Variants in ABHD2 observed in about 807,000 individuals in gnomAD.
ABHD2 encodes the protein monoacylglycerol lipase ABHD2.
In ABHD2, 20 loss-of-function variants were observed where a neutral mutation model predicts 48.1. That is an observed-to-expected ratio of 0.42 (90% CI 0.29 to 0.60). The LOEUF (loss-of-function observed/expected upper bound fraction) is 0.60. ABHD2 is among the 20% of genes least tolerant of loss of function. The pLI is 0.24. For missense variants in ABHD2, 405 were observed against 550.9 expected (o/e 0.74, Z 2.65); for synonymous variants, 209 against 214.2 (o/e 0.98, Z 0.21).
intron 6 of ABHD2, among the ~76,000 whole-genome samples, chr15:89,178,854 A>G (rs1866751): frequency 0.42 from 64,554 of 152,058 alleles, 14,493 homozygotes; most frequent in East Asian, 0.81. Context: ...TGGAGCTTAA[A>G]GAAAATGGGG....
Position 89,092,808 on chromosome 15 carries a change from C to A in ABHD2, c.-107+4245C>A, listed in dbSNP as rs192980617. On this transcript the variant is annotated intron_variant, in intron 1 of 10. Coordinates refer to ENST00000352732, the MANE Select transcript of ABHD2 (RefSeq NM_152924.5). This position sits in a 1 kb window ranked among gnomAD's most constrained non-coding sequence, Gnocchi z 4.4. ...CTTGGCAGTGTGAAAAGAGCTTCCA[C>A]GTCATTTTTTATGAAGGCCGTCTAT... Among the ~76,000 whole-genome samples the A allele has an allele frequency of 6.6e-6, 1 of 152,198 alleles. No homozygotes were observed. The highest frequency in any genetic ancestry group is 1.9e-4 in the East Asian group (1 of 5,202).
the ABHD2 span, among the ~76,000 whole-genome samples, chr15:89,043,515 G>T: frequency 6.9e-6 from 1 of 145,938 alleles, no homozygotes; most frequent in African/African-American, 2.6e-5. Flanking sequence ...AAAGAGGAAG[G>T]AGGAAGAGGA....
intron 5 of ABHD2, among the ~76,000 whole-genome samples, chr15:89,162,074 C>G (rs1244122571): frequency 2.0e-5 from 3 of 152,180 alleles, no homozygotes; most frequent in Non-Finnish European, 4.4e-5. Flanking sequence ...CCCTAACAAC[C>G]ACATTTTGGC....
In ABHD2 at chr15:89,163,438, A is replaced by C. The variant is rs543376960; in HGVS notation, c.538+7904A>C. Among the ~76,000 whole-genome samples the C allele has an allele frequency of 1.8e-4, 28 of 152,364 alleles. 1 individual carries two copies. The highest frequency in any genetic ancestry group is 6.5e-5 in the Admixed American group (1 of 15,304). ...CATTTATCTCACTCTAATGAGTGCC[A>C]GGCATGTGCTTTCACGTTACTTCAC... On this transcript the variant is annotated intron_variant, in intron 5 of 10. Transcript: ENST00000352732.
upstream of ABHD2, chr15:89,087,484 T>A (rs1901401023): frequency 6.6e-6 from 1 of 152,252 alleles, no homozygotes; most frequent in Admixed American, 6.5e-5. This position sits in a 1 kb window ranked among gnomAD's most constrained non-coding sequence, Gnocchi z 5.5. Flanking sequence ...TCATAGAATT[T>A]TAGAAATGGG....
rs571397309 is a variant in ABHD2 at position 89,162,503 on chromosome 15, A to G, written c.538+6969A>G. Among the ~76,000 whole-genome samples the G allele has an allele frequency of 5.2e-4, 78 of 151,242 alleles. 1 individual carries two copies. In the South Asian group the frequency reaches 0.014, roughly 27 times the overall value. On this transcript the variant is annotated intron_variant, in intron 5 of 10. Transcript: ENST00000352732. Reference sequence around the variant, plus strand: ...ACTGCAGTCCACCATCAGGCCCCCTATTCCCACCCTGAGTGTATGGAAATT... The same window carrying G: ...ACTGCAGTCCACCATCAGGCCCCCTGTTCCCACCCTGAGTGTATGGAAATT...
At chr15:89,152,342 G>C (rs946817979) in intron 4 of ABHD2, among the ~76,000 whole-genome samples, 4 of 152,144 alleles carry the variant, frequency 2.6e-5, no homozygotes, top group African/African-American at 4.8e-5. Context: ...GCCTCCCAAA[G>C]TGCTGGGATT....
rs1424515345 is a variant in ABHD2 at position 89,175,762 on chromosome 15, A to G, written c.539-50A>G. On this transcript the variant is annotated intron_variant, in intron 5 of 10. Transcript: ENST00000352732. This position sits in a 1 kb window ranked among gnomAD's most constrained non-coding sequence, Gnocchi z 5.7. Reference sequence around the variant, plus strand: ...TAACGTTCCAGCTTGCATTTTCTCCAGATAGGATGCACCTGAAATGATTGA... The same window carrying G: ...TAACGTTCCAGCTTGCATTTTCTCCGGATAGGATGCACCTGAAATGATTGA... 6 of 1,605,790 alleles carry G rather than the reference A, an allele frequency of 3.7e-6. No individual in the cohort carries two copies. The highest frequency in any genetic ancestry group is 5.1e-6 in the Non-Finnish European group (6 of 1,174,672).
Position 89,164,598 on chromosome 15 carries a change from T to TA in ABHD2, c.538+9065dup, listed in dbSNP as rs1364649764. ...GCCCAGGAGTTTGAGACCAGCCTGA[T>TA]AGAACATGGTGAAACCTCATCTCTA... On this transcript the variant is annotated intron_variant, in intron 5 of 10. Transcript: ENST00000352732. The surrounding 1 kb of genome is among the most constrained non-coding windows in gnomAD (Gnocchi z 5.0). Among the ~76,000 whole-genome samples the TA allele has an allele frequency of 6.6e-6, 1 of 151,952 alleles. No individual in the cohort carries two copies. Among genetic ancestry groups the TA allele is most frequent in the African/African-American group, 2.4e-5 (1 of 41,360 alleles).
the ABHD2 span, among the ~76,000 whole-genome samples, chr15:89,072,660 G>C: frequency 3.9e-5 from 6 of 152,128 alleles, no homozygotes; most frequent in African/African-American, 1.4e-4. Flanking sequence ...AAGGTCATTT[G>C]TTACTGCAGG....
In ABHD2 at chr15:89,102,091, C is replaced by T. The variant is rs1304452073; in HGVS notation, c.-106-11634C>T. Among the ~76,000 whole-genome samples the T allele has an allele frequency of 6.6e-6, 1 of 152,178 alleles. No individual in the cohort carries two copies. The highest frequency in any genetic ancestry group is 1.9e-4 in the East Asian group (1 of 5,194). On this transcript the variant is annotated intron_variant, in intron 1 of 10. Coordinates refer to ENST00000352732, the MANE Select transcript of ABHD2 (RefSeq NM_152924.5). The surrounding 1 kb of genome is among the most constrained non-coding windows in gnomAD (Gnocchi z 4.8). ...ATGACTCACTGCCACTGCTCCAAAA[C>T]ACACCCCTCTTGTCCATCTGCCCAT...
the ABHD2 span, among the ~76,000 whole-genome samples, chr15:89,057,322 T>C: frequency 6.6e-6 from 1 of 152,150 alleles, no homozygotes; most frequent in Non-Finnish European, 1.5e-5. Context: ...GGTTAGCTCT[T>C]CTAAGCTGCT....
intron 3 of ABHD2, chr15:89,135,595 T>G: frequency 6.5e-7 from 1 of 1,540,142 alleles, no homozygotes; most frequent in Non-Finnish European, 8.8e-7. Context: ...CTCTTCATCT[T>G]CCTCATCTTC....
At chr15:89,110,777 CTGAAT>C (rs2049861595) in intron 1 of ABHD2, among the ~76,000 whole-genome samples, 1 of 152,132 alleles carries the variant, frequency 6.6e-6, no homozygotes, top group African/African-American at 2.4e-5. Context: ...ATTGCCTTCC[CTGAAT>C]TGAATTGAAT....
At position 89,094,484 on chromosome 15, in the gene ABHD2, G is replaced by A. The variant is rs1372883378; in HGVS notation, c.-107+5921G>A. ...GCACTTTGGGAGGCCGAGGCGGGCG[G>A]ATCACCTGAGGTCAGGAGTTTGAGA... On this transcript the variant is annotated intron_variant, in intron 1 of 10. Coordinates refer to ENST00000352732, the MANE Select transcript of ABHD2 (RefSeq NM_152924.5). This position sits in a 1 kb window ranked among gnomAD's most constrained non-coding sequence, Gnocchi z 4.7. 1.3e-5 allele frequency: 2 copies of A among 152,124 alleles called. No individual in the cohort carries two copies. Among genetic ancestry groups the A allele is most frequent in the Non-Finnish European group, 2.9e-5 (2 of 68,062 alleles). 9.4% of individuals were successfully genotyped at this position (152,124 alleles called of 1,614,324 possible).
intron 6 of ABHD2, among the ~76,000 whole-genome samples, chr15:89,180,504 T>C (rs2051091526): frequency 6.6e-6 from 1 of 152,190 alleles, no homozygotes; most frequent in South Asian, 2.1e-4. Flanking sequence ...CCTTGTGTGG[T>C]ACAAACATGG....
chr15:89,096,275 T>C (rs1296327055), intron 1 of ABHD2, among the ~76,000 whole-genome samples: 2 of 152,264 alleles, frequency 1.3e-5, no homozygotes, highest in Non-Finnish European at 2.9e-5. Context: ...TAATTTTATG[T>C]TTTTATAAAT....
At chr15:89,181,239 A>AAC (rs1555433394) in intron 6 of ABHD2, among the ~76,000 whole-genome samples, 1 of 151,424 alleles carries the variant, frequency 6.6e-6, no homozygotes, top group Admixed American at 6.6e-5. Flanking sequence ...AAAAAAAAAA[A>AAC]AAAAAAAAAA....
At chr15:89,161,414 T>C (rs552977009) in intron 5 of ABHD2, among the ~76,000 whole-genome samples, 1 of 152,276 alleles carries the variant, frequency 6.6e-6, no homozygotes, top group East Asian at 1.9e-4. Context: ...ATTTATTTAT[T>C]TTCTGAGACA....
Sources: allele counts gnomAD v4.1 joint callset (sites outside exome capture counted in the v4.1 genomes callset), GRCh38; gene constraint gnomAD v4.1.1; non-coding constraint Gnocchi (gnomAD v3.1); transcripts MANE v1.5; gene names NCBI Gene and HGNC (gene_info 2026-07-23, HGNC 2026-07-21).